Variants in TAS2R1 observed in about 807,000 individuals in gnomAD.
The protein encoded by TAS2R1 is taste receptor type 2 member 1.
For missense variants in TAS2R1, 370 were observed against 353.4 expected, an observed-to-expected ratio of 1.05 and a Z score of -0.38; for synonymous variants, 141 against 134.2, an observed-to-expected ratio of 1.05 and a Z score of -0.35.
the TAS2R1 span, among the ~76,000 whole-genome samples, chr5:9,876,977 G>A: frequency 3.3e-5 from 5 of 152,268 alleles, no homozygotes; most frequent in African/African-American, 1.2e-4. Flanking sequence ...GCTCCCCAAA[G>A]TGTCTACACA....
At chr5:9,771,380 A>T in the TAS2R1 span, among the ~76,000 whole-genome samples, 5 of 152,150 alleles carry the variant, frequency 3.3e-5, no homozygotes, top group Non-Finnish European at 7.4e-5. Flanking sequence ...CTTGATTATG[A>T]TGAATTATCT....
At chr5:9,844,726 A>AT in the TAS2R1 span, among the ~76,000 whole-genome samples, 1 of 152,038 alleles carries the variant, frequency 6.6e-6, no homozygotes, top group Non-Finnish European at 1.5e-5. Context: ...AGCTTTCAGC[A>AT]TTTTTTTAGG....
intron 2 of TAS2R1, among the ~76,000 whole-genome samples, chr5:9,654,926 C>T (rs547251351): frequency 6.6e-6 from 1 of 152,292 alleles, no homozygotes; most frequent in South Asian, 2.1e-4. Flanking sequence ...AATATGAAAG[C>T]ATGTTCCCAC....
the TAS2R1 span, among the ~76,000 whole-genome samples, chr5:9,852,205 GA>G: frequency 2.0e-5 from 3 of 152,072 alleles, no homozygotes; most frequent in African/African-American, 7.2e-5. Context: ...TGGTTTTGAA[GA>G]AATTAACCTC....
chr5:9,714,875 T>C (rs1396350408), upstream of TAS2R1, among the ~76,000 whole-genome samples: 1 of 152,250 alleles, frequency 6.6e-6, no homozygotes. Flanking sequence ...CTTGCATGTA[T>C]ATACACCTAT....
rs1445360869 is a variant in TAS2R1 at position 9,698,731 on chromosome 5, T to C, written c.-242+13441A>G. 1.3e-5 allele frequency among the ~76,000 whole-genome samples: 2 copies of C among 152,188 alleles called. 1 individual carries two copies. Among genetic ancestry groups the C allele is most frequent in the Non-Finnish European group, 2.9e-5 (2 of 68,030 alleles). ...GGCAGAGTGTCCTGGAAATGCCATC[T>C]GGTGCCGTGCAATCTGGATTCCTGT... is the stretch of plus-strand genomic sequence containing the variant. On this transcript the variant is annotated intron_variant, in intron 1 of 2. Coordinates refer to the TAS2R1 transcript ENST00000506620.
the TAS2R1 span, among the ~76,000 whole-genome samples, chr5:9,851,524 T>G: frequency 4.6e-5 from 7 of 152,008 alleles, no homozygotes; most frequent in Non-Finnish European, 1.0e-4. Flanking sequence ...ATTTGTTTTT[T>G]TTTTTTTTTC....
Position 9,629,409 on chromosome 5 carries a change from C to T in TAS2R1, c.624G>A (p.Met208Ile). The T allele has an allele frequency of 6.2e-7, 1 of 1,614,140 alleles. No homozygotes were observed. Among genetic ancestry groups the T allele is most frequent in the Non-Finnish European group, 8.5e-7 (1 of 1,180,026 alleles). ...IFSLGRHTRQ[M>I]RNTVAGSRVP... ...CCCTGCTGCCGGCCACTGTGTTTCT[C>T]ATTTGCCGGGTGTGCCTCCCCAGAG... The change falls in exon 1 of 1, where the codon ATG (methionine) becomes ATA (isoleucine). Residue 208 changes from methionine (M) to isoleucine (I), a missense_variant. Physicochemically the swap from Met to Ile is conservative, Grantham distance 10. Transcript: ENST00000382492.
the TAS2R1 span, among the ~76,000 whole-genome samples, chr5:9,725,333 G>C: frequency 6.6e-6 from 1 of 152,368 alleles, no homozygotes; most frequent in East Asian, 1.9e-4. Flanking sequence ...GGGAACCGGG[G>C]CTGCGCGCGG....
rs367563160 is a variant in TAS2R1 at position 9,696,117 on chromosome 5, C to T, written c.-242+16055G>A. Among the ~76,000 whole-genome samples the T allele has an allele frequency of 1.4e-4, 21 of 151,804 alleles. No homozygotes were observed. In the East Asian group the frequency reaches 2.1e-3, roughly 15 times the overall value. On this transcript the variant is annotated intron_variant, in intron 1 of 2. Coordinates refer to the TAS2R1 transcript ENST00000506620. ...AACATTTGCAGTTTCTCCTATGACC[C>T]GGTAGAGTCAATATTCAAAAAAAAA...
At chr5:9,651,171 C>G (rs1740298170) in intron 2 of TAS2R1, among the ~76,000 whole-genome samples, 1 of 152,146 alleles carries the variant, frequency 6.6e-6, no homozygotes, top group South Asian at 2.1e-4. Flanking sequence ...GTCATCAGCT[C>G]CTTTCAGACA....
chr5:9,656,979 G>A (rs563480892), intron 2 of TAS2R1, among the ~76,000 whole-genome samples: 107 of 152,008 alleles, frequency 7.0e-4, no homozygotes, highest in African/African-American at 2.4e-3. Flanking sequence ...ACTTAACGAT[G>A]ATATATAATA....
the TAS2R1 span, among the ~76,000 whole-genome samples, chr5:9,847,721 G>A: frequency 6.6e-5 from 10 of 152,198 alleles, no homozygotes; most frequent in Admixed American, 6.5e-4. Context: ...TATGCCTGAT[G>A]GTTGAGTTGT....
the TAS2R1 span, among the ~76,000 whole-genome samples, chr5:9,783,888 G>A: frequency 1.3e-5 from 2 of 152,182 alleles, no homozygotes; most frequent in Admixed American, 1.3e-4. Context: ...AGTGTCCAGA[G>A]GTCTTGAAGG....
chr5:9,812,148 C>G, the TAS2R1 span, among the ~76,000 whole-genome samples: 2 of 152,094 alleles, frequency 1.3e-5, no homozygotes, highest in African/African-American at 2.4e-5. Context: ...CCTTCACCCC[C>G]CTGCCCCACC....
At chr5:9,748,957 C>T in the TAS2R1 span, among the ~76,000 whole-genome samples, 1 of 152,054 alleles carries the variant, frequency 6.6e-6, no homozygotes, top group Admixed American at 6.6e-5. Flanking sequence ...CCAGGGCCAA[C>T]TTTCCTTTCT....
At chr5:9,774,090 G>A in the TAS2R1 span, among the ~76,000 whole-genome samples, 2 of 152,024 alleles carry the variant, frequency 1.3e-5, no homozygotes, top group Non-Finnish European at 2.9e-5. Context: ...AATCTTTCAG[G>A]CATGCTGCAT....
At chr5:9,687,764 A>T (rs1183892995) in intron 1 of TAS2R1, among the ~76,000 whole-genome samples, 1 of 152,176 alleles carries the variant, frequency 6.6e-6, no homozygotes, top group Non-Finnish European at 1.5e-5. Context: ...ATGTTCTGTG[A>T]GCCTGTGGAA....
upstream of TAS2R1, among the ~76,000 whole-genome samples, chr5:9,713,387 T>G (rs2126534727): frequency 6.6e-6 from 1 of 152,292 alleles, no homozygotes; most frequent in African/African-American, 2.4e-5. Flanking sequence ...TTTTCTGGGC[T>G]TCTGGCAAAG....
Sources: allele counts gnomAD v4.1 joint callset (sites outside exome capture counted in the v4.1 genomes callset), GRCh38; gene constraint gnomAD v4.1.1; transcripts MANE v1.5; gene names NCBI Gene and HGNC (gene_info 2026-07-23, HGNC 2026-07-21).